Variants in CCDC88B observed in about 807,000 individuals in gnomAD.
CCDC88B encodes coiled-coil domain-containing protein 88B.
Under a neutral mutation model 183.7 loss-of-function variants are expected in CCDC88B, and 138 were observed. That is an observed-to-expected ratio of 0.75 (90% CI 0.65 to 0.87). CCDC88B has a LOEUF of 0.87. Ranked by LOEUF, CCDC88B falls within the 40% of genes least tolerant of loss-of-function variation. The pLI is 0.00. For missense variants in CCDC88B, 1,822 were observed against 1,965.6 expected, an observed-to-expected ratio of 0.93 and a Z score of 1.38; for synonymous variants, 835 against 867.5, an observed-to-expected ratio of 0.96 and a Z score of 0.66.
chr11:64,349,514 G>A (rs1169021544), intron 15 of CCDC88B, 37 bp from the exon 16 acceptor site: 1 of 1,576,444 alleles, frequency 6.3e-7, no homozygotes, highest in South Asian at 1.2e-5. Flanking sequence ...TGGGGCGAGG[G>A]TGGGGTGGGG....
Position 64,342,373 on chromosome 11 carries a change from G to A in CCDC88B, c.901G>A (p.Glu301Lys), listed in dbSNP as rs1355769596. 1 of 1,579,752 alleles carries A rather than the reference G, an allele frequency of 6.3e-7. No individual in the cohort carries two copies. Among genetic ancestry groups the A allele is most frequent in the Non-Finnish European group, 8.6e-7 (1 of 1,163,534 alleles). Residue 301 changes from glutamate (E) to lysine (K), a missense_variant and splice_region_variant, in exon 9 of 27, where the codon GAG becomes AAG. Coordinates refer to ENST00000356786, the MANE Select transcript of CCDC88B (RefSeq NM_032251.6). Reference protein sequence around the residue: ...LEAEIRRLRQEAQALSGQAKR... With the variant: ...LEAEIRRLRQKAQALSGQAKR... ...GGCCGAAATAAGAAGGCTCCGCCAG[G>A]AGGTGCGCTCACATGCTCCCCGCCA...
In CCDC88B at chr11:64,344,684, A is replaced by T; in HGVS notation, c.2143A>T (p.Ile715Phe). ...ALEVQVWEGP[I>F]PGESLASGVA... ...TGAGGTCCAGGTCTGGGAAGGCCCA[A>T]TCCCAGGGGAGAGCCTGGCCAGTGG... The change falls in exon 14 of 27, where the codon ATC becomes TTC. Residue 715 changes from isoleucine (I) to phenylalanine (F), a missense_variant. Transcript: ENST00000356786. This position sits in a 1 kb window ranked among gnomAD's most constrained non-coding sequence, Gnocchi z 4.5. The T allele has an allele frequency of 6.2e-7, 1 of 1,614,122 alleles. No homozygotes were observed. The highest frequency in any genetic ancestry group is 1.1e-5 in the South Asian group (1 of 91,084).
At position 64,354,061 on chromosome 11, in the gene CCDC88B, G is replaced by A; in HGVS notation, c.3990G>A (p.Gly1330=). The change falls in exon 24 of 27, where the codon GGG becomes GGA. Residue 1330 remains glycine, a synonymous_variant. Coordinates refer to ENST00000356786, the MANE Select transcript of CCDC88B (RefSeq NM_032251.6). ...GGCTGATGCGGCCCCGGCGGGAGGG[G>A]GGCCCCCCTGGGGGGCTGCGCCTGG... The part of the protein sequence containing the change: ...VKRLMRPRRE[G]GPPGGLRLGA... The A allele has an allele frequency of 1.4e-6, 2 of 1,449,318 alleles. No homozygotes were observed. The highest frequency in any genetic ancestry group is 1.8e-6 in the Non-Finnish European group (2 of 1,096,190). 89.8% of individuals were successfully genotyped at this position (1,449,318 alleles called of 1,614,324 possible). A position where few individuals can be genotyped will look rare whatever the true frequency, so the allele number is the denominator to read the frequency against.
rs1026011656 is a variant in CCDC88B, at chr11:64,342,432, C to T, written c.903+57C>T. 4.1e-5 allele frequency: 64 copies of T among 1,546,940 alleles called. No individual in the cohort carries two copies. In the African/African-American group the frequency reaches 8.1e-4, roughly 20 times the overall value. ...TTCCCTAACCTCCCCGCACCCGGTC[C>T]CATTGCCTCCCTCCCAACCCGGCTC... On this transcript the variant is annotated intron_variant, in intron 9 of 26. Transcript: ENST00000356786.
intron 16 of CCDC88B, among the ~76,000 whole-genome samples, chr11:64,350,859 G>A (rs563531355): frequency 1.3e-5 from 2 of 152,326 alleles, no homozygotes; most frequent in African/African-American, 4.8e-5. Context: ...GGCAGAGTGA[G>A]ACTCTGTCTC....
rs777158013 is a variant in CCDC88B, at chr11:64,354,065, C to A, written c.3994C>A (p.Pro1332Thr). 2 of 1,447,132 alleles carry A rather than the reference C, an allele frequency of 1.4e-6. No individual in the cohort carries two copies. Among genetic ancestry groups the A allele is most frequent in the South Asian group, 1.6e-5 (1 of 61,060 alleles). The allele number at this position is 1,447,132 out of a possible 1,614,324, so 89.6% of individuals were successfully genotyped here. Residue 1332 changes from proline (P) to threonine (T), a missense_variant, in exon 24 of 27, where the codon CCC (proline) becomes ACC (threonine). Coordinates refer to ENST00000356786, the MANE Select transcript of CCDC88B (RefSeq NM_032251.6). ...RLMRPRREGGPPGGLRLGADG... is the reference protein window; with the variant it reads ...RLMRPRREGGTPGGLRLGADG... ...GATGCGGCCCCGGCGGGAGGGGGGC[C>A]CCCCTGGGGGGCTGCGCCTGGGGGC...
chr11:64,340,430 G>A, intron 1 of CCDC88B, 104 bp downstream of exon 1: 1 of 1,308,460 alleles, frequency 7.6e-7, no homozygotes, highest in Non-Finnish European at 1.0e-6. Context: ...AGGCCGGAGG[G>A]GAGGGCTGGG....
At chr11:64,345,180 G>T (rs754352070) in intron 14 of CCDC88B, 23 bp downstream of exon 14, 10 of 1,533,326 alleles carry the variant, frequency 6.5e-6, no homozygotes, top group Admixed American at 5.9e-5. Flanking sequence ...GGGGCTCACC[G>T]CTGGGGTTGG....
At chr11:64,356,905 C>T (rs1464864221) in intron 26 of CCDC88B, 134 bp from the exon 27 acceptor site, 1 of 793,822 alleles carries the variant, frequency 1.3e-6, no homozygotes, top group East Asian at 2.5e-5. Flanking sequence ...GAGGGAACAG[C>T]AGGCGTGGTG....
At chr11:64,353,545 G>A (rs377253550) in intron 22 of CCDC88B, 49 bp downstream of exon 22, 88 of 1,592,546 alleles carry the variant, frequency 5.5e-5, no homozygotes, top group Middle Eastern at 1.9e-4. Context: ...CCCTTTGGGC[G>A]TTCCTGGGGA....
In CCDC88B at chr11:64,342,150, G is replaced by A; in HGVS notation, c.821+11G>A. The A allele has an allele frequency of 5.0e-6, 8 of 1,606,070 alleles. No homozygotes were observed. Among genetic ancestry groups the A allele is most frequent in the Non-Finnish European group, 5.1e-6 (6 of 1,177,448 alleles). On this transcript the variant is annotated intron_variant, in intron 8 of 26. Coordinates refer to ENST00000356786, the MANE Select transcript of CCDC88B (RefSeq NM_032251.6). ...TCTGCGGCAGGAGCTGTGAGTGTGCGCAGCCTGGGAAGGGGACTGAGTGGA... is the reference window on the plus strand; with the variant it reads ...TCTGCGGCAGGAGCTGTGAGTGTGCACAGCCTGGGAAGGGGACTGAGTGGA...
At position 64,352,403 on chromosome 11, in the gene CCDC88B, G is replaced by T; in HGVS notation, c.3356+17G>T. On this transcript the variant is annotated intron_variant, in intron 19 of 26. Coordinates refer to ENST00000356786, the MANE Select transcript of CCDC88B (RefSeq NM_032251.6). ...GCAGGGCCGGTGAGCATCACCAAATGCCCAGCTCCTCCCCTGGCACCCCCT... is the reference window on the plus strand; with the variant it reads ...GCAGGGCCGGTGAGCATCACCAAATTCCCAGCTCCTCCCCTGGCACCCCCT... 6.6e-7 allele frequency: 1 copy of T among 1,515,150 alleles called. No individual in the cohort carries two copies. Among genetic ancestry groups the T allele is most frequent in the African/African-American group, 1.4e-5 (1 of 72,312 alleles). 93.9% of individuals were successfully genotyped at this position (1,515,150 alleles called of 1,614,324 possible).
chr11:64,354,717 C>T (rs1490816671), intron 24 of CCDC88B, among the ~76,000 whole-genome samples: 1 of 117,028 alleles, frequency 8.5e-6, no homozygotes, highest in African/African-American at 3.2e-5. Context: ...CCCTCCCCTG[C>T]ATGAACCTCA....
intron 26 of CCDC88B, chr11:64,356,462 A>C (rs1270074427): frequency 2.0e-5 from 3 of 152,302 alleles, no homozygotes; most frequent in Non-Finnish European, 4.4e-5. Flanking sequence ...AATCCCACCT[A>C]CTCAGGGGGC....
intron 16 of CCDC88B, 108 bp downstream of exon 16, chr11:64,349,776 T>A: frequency 9.1e-7 from 1 of 1,094,498 alleles, no homozygotes; most frequent in Non-Finnish European, 1.3e-6. Context: ...GATTCTTGGC[T>A]AGCTACTTGC....
At chr11:64,343,717 G>A in intron 12 of CCDC88B, 61 bp from the exon 13 acceptor site, 5 of 1,530,600 alleles carry the variant, frequency 3.3e-6, no homozygotes, top group Non-Finnish European at 4.4e-6. Flanking sequence ...AAGCCTCTGG[G>A]GTGTGTATGT....
At chr11:64,345,264 G>A (rs2036064448) in intron 14 of CCDC88B, 107 bp downstream of exon 14, 22 of 1,297,338 alleles carry the variant, frequency 1.7e-5, no homozygotes, top group Non-Finnish European at 2.2e-5. Context: ...GCACTGAGCT[G>A]GGGCTGGAGA....
At position 64,344,875 on chromosome 11, in the gene CCDC88B, G is replaced by T; in HGVS notation, c.2334G>T (p.Glu778Asp). ...CCCAAGCGCGAAGGGCAGAGGCCGA[G>T]GCCCACCGGGAGGCAGAGGCCCAGG... ...ELAQARRAEA[E>D]AHREAEAQAW... Residue 778 changes from glutamate (E) to aspartate (D), a missense_variant, in exon 14 of 27, where the codon GAG becomes GAT. Transcript: ENST00000356786. This position sits in a 1 kb window ranked among gnomAD's most constrained non-coding sequence, Gnocchi z 4.5. The T allele has an allele frequency of 6.2e-7, 1 of 1,602,854 alleles. No homozygotes were observed. The highest frequency in any genetic ancestry group is 1.3e-5 in the African/African-American group (1 of 74,812).
chr11:64,353,413 G>A lies in CCDC88B; in HGVS notation c.3750G>A (p.Gln1250=), dbSNP rs1276251189. The change falls in exon 22 of 27, where the codon CAG becomes CAA. Residue 1250 remains glutamine, a synonymous_variant. Coordinates refer to ENST00000356786, the MANE Select transcript of CCDC88B (RefSeq NM_032251.6). The stretch of plus-strand genomic sequence containing the variant: ...ACCGGCAGCTGCTGGCTGAAGTTCA[G>A]GCCCTGAGCCGGGAGAACAGGGAGC... The part of the protein sequence containing the change: ...EENRQLLAEV[Q]ALSRENRELL... The A allele has an allele frequency of 6.2e-7, 1 of 1,613,358 alleles. No homozygotes were observed. Among genetic ancestry groups the A allele is most frequent in the African/African-American group, 1.3e-5 (1 of 74,940 alleles).
Sources: gnomAD v4.1 joint callset for allele counts (sites outside exome capture counted in the v4.1 genomes callset) on GRCh38, gnomAD v4.1.1 for gene constraint, Gnocchi (gnomAD v3.1) non-coding constraint, MANE v1.5 for transcripts, NCBI Gene and HGNC (gene_info 2026-07-23, HGNC 2026-07-21) for gene names.